Variants in ST6GALNAC1 observed in about 807,000 individuals in gnomAD.
The protein encoded by ST6GALNAC1 is ST6 N-acetylgalactosaminide alpha-2,6-sialyltransferase 1.
In ST6GALNAC1, 45 loss-of-function variants were observed where a neutral mutation model predicts 56.8. That is an observed-to-expected ratio of 0.79 (90% CI 0.62 to 1.02). The LOEUF is 1.02. ST6GALNAC1 is among the 50% of genes least tolerant of loss of function. The pLI is 0.00. For missense variants in ST6GALNAC1, 743 were observed against 754.8 expected (o/e 0.98, Z 0.18); for synonymous variants, 295 against 297.8 (o/e 0.99, Z 0.10).
rs2075812070 is a variant in ST6GALNAC1, at chr17:76,627,099, G to A, written c.1140C>T (p.Gly380=). Residue 380 remains glycine (G), a synonymous_variant, in exon 4 of 9, where the codon GGC becomes GGT. Coordinates refer to ENST00000156626, the MANE Select transcript of ST6GALNAC1 (RefSeq NM_018414.5). This position sits in a 1 kb window ranked among gnomAD's most constrained non-coding sequence, Gnocchi z 4.4. The part of the protein sequence containing the change: ...NGGILNNSHM[G]QEIDSHDYVF... The stretch of plus-strand genomic sequence containing the variant: ...CGTAGTCGTGACTGTCTATCTCCTG[G>A]CCCATGTGGGAGTTGTTCAGGATGC... 1 of 1,574,302 alleles carries A rather than the reference G, an allele frequency of 6.4e-7. No individual in the cohort carries two copies.
At position 76,627,562 on chromosome 17, in the gene ST6GALNAC1, T is replaced by C; in HGVS notation, c.853A>G (p.Ile285Val). ...LQTTCPDSVK[I>V]KASKSLWLQK... Reference sequence around the variant, plus strand: ...AGCCACAGCGACTTGGAGGCTTTGATCTTCACAGAGTCAGGGCAAGTCTAT... The same window carrying C: ...AGCCACAGCGACTTGGAGGCTTTGACCTTCACAGAGTCAGGGCAAGTCTAT... The change falls in exon 3 of 9, where the codon ATC (isoleucine) becomes GTC (valine). Residue 285 changes from isoleucine (I) to valine (V), a missense_variant. Coordinates refer to ENST00000156626, the MANE Select transcript of ST6GALNAC1 (RefSeq NM_018414.5). This position sits in a 1 kb window ranked among gnomAD's most constrained non-coding sequence, Gnocchi z 4.4. The C allele has an allele frequency of 1.2e-6, 2 of 1,614,102 alleles. No individual in the cohort carries two copies. The highest frequency in any genetic ancestry group is 1.1e-5 in the South Asian group (1 of 91,080).
rs2075781406 is a variant in ST6GALNAC1 at position 76,625,387 on chromosome 17, T to A, written c.1746A>T (p.Glu582Asp). The A allele has an allele frequency of 2.5e-6, 4 of 1,614,064 alleles. No individual in the cohort carries two copies. In the African/African-American group the frequency reaches 4.0e-5, roughly 16 times the overall value. The stretch of plus-strand genomic sequence containing the variant: ...GACGCTGGTACAGCCGGATTATCCC[T>A]TCATCGTGTAGCCGCTTCCAGACTT... Reference protein sequence around the residue: ...EREVWKRLHDEGIIRLYQRPG... With the variant: ...EREVWKRLHDDGIIRLYQRPG... Residue 582 changes from glutamate (E) to aspartate (D), a missense_variant, in exon 9 of 9, where the codon GAA becomes GAT. By Grantham distance (45) the Glu-to-Asp change is conservative (BLOSUM62 2). Transcript: ENST00000156626.
chr17:76,622,091 G>T (rs936585320), downstream of ST6GALNAC1, among the ~76,000 whole-genome samples: 66 of 151,146 alleles, frequency 4.4e-4, no homozygotes, highest in Non-Finnish European at 1.6e-4. Flanking sequence ...GAGCCACTGC[G>T]CCTGGCCTGC....
Position 76,638,996 on chromosome 17 carries a change from C to T in ST6GALNAC1, c.131+4512G>A, listed in dbSNP as rs552380997. Among the ~76,000 whole-genome samples the T allele has an allele frequency of 5.3e-5, 8 of 152,304 alleles. No individual in the cohort carries two copies. The South Asian group carries it at 1.2e-3, about 24-fold the overall frequency. On this transcript the variant is annotated intron_variant, in intron 1 of 8. Coordinates refer to ENST00000156626, the MANE Select transcript of ST6GALNAC1 (RefSeq NM_018414.5). Reference sequence around the variant, plus strand: ...TTCCTGTTCAAACTGTCCTCGCTCACGGTCTCATTAATGCTATCCTAAACC... The same window carrying T: ...TTCCTGTTCAAACTGTCCTCGCTCATGGTCTCATTAATGCTATCCTAAACC...
chr17:76,643,471 A>C (rs1313154576), intron 1 of ST6GALNAC1, 37 bp downstream of exon 1: 1 of 1,608,886 alleles, frequency 6.2e-7, no homozygotes. Flanking sequence ...TCCTCAAATG[A>C]ATGAAATATG....
rs745766626 is a variant in ST6GALNAC1, at chr17:76,627,546, G to A, written c.869C>T (p.Ser290Leu). 9 of 1,614,050 alleles carry A rather than the reference G, an allele frequency of 5.6e-6. No homozygotes were observed. Among genetic ancestry groups the A allele is most frequent in the African/African-American group, 1.3e-5 (1 of 74,928 alleles). Residue 290 changes from serine to leucine, a missense_variant, in exon 3 of 9, where the codon TCG (serine) becomes TTG (leucine). Transcript: ENST00000156626. This position sits in a 1 kb window ranked among gnomAD's most constrained non-coding sequence, Gnocchi z 4.4. ...CAGAAAGAGTTTCTGGAGCCACAGC[G>A]ACTTGGAGGCTTTGATCTTCACAGA... ...PDSVKIKASK[S>L]LWLQKLFLPN...
In ST6GALNAC1 at chr17:76,635,550, T is replaced by C. The variant is rs533164318; in HGVS notation, c.132-5839A>G. ...TACTCTGGAGGCTGAGGCAGGAGAATTGTTTGAGCCTGCGAGGTGGAGGTT... is the reference window on the plus strand; with the variant it reads ...TACTCTGGAGGCTGAGGCAGGAGAACTGTTTGAGCCTGCGAGGTGGAGGTT... On this transcript the variant is annotated intron_variant, in intron 1 of 8. Coordinates refer to ENST00000156626, the MANE Select transcript of ST6GALNAC1 (RefSeq NM_018414.5). 8.3e-4 allele frequency among the ~76,000 whole-genome samples: 126 copies of C among 152,236 alleles called. 1 individual carries two copies. The highest frequency in any genetic ancestry group is 3.0e-3 in the African/African-American group (123 of 41,526).
chr17:76,620,218 T>G (rs2075727039), downstream of ST6GALNAC1, among the ~76,000 whole-genome samples: 1 of 151,436 alleles, frequency 6.6e-6, no homozygotes, highest in South Asian at 2.1e-4. Flanking sequence ...TTTTGTATTT[T>G]TAGTGGAGAC....
At position 76,629,205 on chromosome 17, in the gene ST6GALNAC1, CT is replaced by C. The variant is rs1193662495; in HGVS notation, c.637del (p.Arg213GlyfsTer7). 1.2e-6 allele frequency: 2 copies of C among 1,614,122 alleles called. No homozygotes were observed. Among genetic ancestry groups the C allele is most frequent in the African/African-American group, 1.3e-5 (1 of 75,014 alleles). On this transcript the variant is annotated frameshift_variant, in exon 2 of 9. Transcript: ENST00000156626. LOFTEE classifies it high-confidence loss of function. ...TGTGGTCACTCCTTTCTGTCTCGTC[CT>C]TGTTGACACTGCTCCTGTGGGAGCC... The part of the protein sequence containing the change: ...MLAPTGAVST[R>X]TRQKGVTTAV...
chr17:76,620,623 T>A (rs571418782), downstream of ST6GALNAC1, among the ~76,000 whole-genome samples: 4 of 151,838 alleles, frequency 2.6e-5, no homozygotes, highest in African/African-American at 9.7e-5. Context: ...TCACCCAGGC[T>A]GAAATGCAGT....
chr17:76,618,854 G>A, the ST6GALNAC1 span, among the ~76,000 whole-genome samples: 3 of 152,230 alleles, frequency 2.0e-5, no homozygotes, highest in South Asian at 6.2e-4. Context: ...TGAGATGGGA[G>A]GATCGCTTGA....
At chr17:76,630,710 C>T (rs1287646143) in intron 1 of ST6GALNAC1, among the ~76,000 whole-genome samples, 2 of 151,330 alleles carry the variant, frequency 1.3e-5, no homozygotes, top group Admixed American at 6.6e-5. Context: ...CTCAGCCTTC[C>T]GAGTAGCTGG....
rs374878476 is a variant in ST6GALNAC1, at chr17:76,626,056, C to T, written c.1455G>A (p.Met485Ile). ...PQEAFREALH[M>I]DRYLLLHPDF... Reference sequence around the variant, plus strand: ...CTGGGTGCAGCAACAGGTACCTGTCCATGTGCAGGGCTTCCCGAAAAGCTT... The same window carrying T: ...CTGGGTGCAGCAACAGGTACCTGTCTATGTGCAGGGCTTCCCGAAAAGCTT... Residue 485 changes from methionine (M) to isoleucine (I), a missense_variant, in exon 7 of 9, where the codon ATG (methionine) becomes ATA (isoleucine). Met to Ile is a conservative substitution (Grantham distance 10). Coordinates refer to ENST00000156626, the MANE Select transcript of ST6GALNAC1 (RefSeq NM_018414.5). 22 of 1,614,172 alleles carry T rather than the reference C, an allele frequency of 1.4e-5. No individual in the cohort carries two copies. The highest frequency in any genetic ancestry group is 1.8e-5 in the Non-Finnish European group (21 of 1,180,022).
chr17:76,627,405 A>G lies in ST6GALNAC1; in HGVS notation c.1000+10T>C, dbSNP rs752382482. On this transcript the variant is annotated intron_variant, in intron 3 of 8. Coordinates refer to ENST00000156626, the MANE Select transcript of ST6GALNAC1 (RefSeq NM_018414.5). The surrounding 1 kb of genome is among the most constrained non-coding windows in gnomAD (Gnocchi z 4.4). ...GCGCACCCACACCTTCCCCTGGGTTAAGGACTCACAGGAGTAGTTGAGCTC... is the reference window on the plus strand; with the variant it reads ...GCGCACCCACACCTTCCCCTGGGTTGAGGACTCACAGGAGTAGTTGAGCTC... 1.7e-5 allele frequency: 28 copies of G among 1,613,876 alleles called. No individual in the cohort carries two copies. The East Asian group carries it at 5.8e-4, about 33-fold the overall frequency.
intron 1 of ST6GALNAC1, among the ~76,000 whole-genome samples, chr17:76,630,493 G>A (rs1389091676): frequency 6.6e-6 from 1 of 152,010 alleles, no homozygotes; most frequent in East Asian, 1.9e-4. Context: ...CCTTGAAACT[G>A]AAGCCTAAAC....
intron 8 of ST6GALNAC1, 97 bp downstream of exon 8, chr17:76,625,722 G>A: frequency 1.1e-5 from 14 of 1,224,818 alleles, no homozygotes; most frequent in African/African-American, 3.1e-5. Context: ...CAGCAGATGT[G>A]GGCACCCAGC....
At position 76,629,574 on chromosome 17, in the gene ST6GALNAC1, G is replaced by T. The variant is rs1445477111; in HGVS notation, c.269C>A (p.Thr90Asn). ...TCCGGTGGTGTGGGCCTTGGGCTGG[G>T]TTTGTGTGTTGAGGGCATTGTTCTC... ...VPENNALNTQTQPKAHTTGDR... is the reference protein window; with the variant it reads ...VPENNALNTQNQPKAHTTGDR... Residue 90 changes from threonine to asparagine, a missense_variant, in exon 2 of 9, where the codon ACC (threonine) becomes AAC (asparagine). Thr to Asn is a moderately conservative substitution (Grantham distance 65). Transcript: ENST00000156626. The T allele has an allele frequency of 1.2e-6, 2 of 1,613,968 alleles. No individual in the cohort carries two copies. The highest frequency in any genetic ancestry group is 1.7e-5 in the Admixed American group (1 of 60,004).
chr17:76,630,579 A>G (rs2075878099), intron 1 of ST6GALNAC1, among the ~76,000 whole-genome samples: 1 of 148,002 alleles, frequency 6.8e-6, no homozygotes, highest in Admixed American at 6.8e-5. Flanking sequence ...TCCTCCTTGA[A>G]ACCCTTCTTT....
intron 1 of ST6GALNAC1, among the ~76,000 whole-genome samples, chr17:76,636,971 C>T (rs1317239489): frequency 6.6e-6 from 1 of 152,064 alleles, no homozygotes; most frequent in Non-Finnish European, 1.5e-5. Flanking sequence ...GACCTTACCC[C>T]CAACCCCGTG....
Sources: allele counts gnomAD v4.1 joint callset (sites outside exome capture counted in the v4.1 genomes callset), GRCh38; gene constraint gnomAD v4.1.1; non-coding constraint Gnocchi (gnomAD v3.1); transcripts MANE v1.5; gene names NCBI Gene and HGNC (gene_info 2026-07-23, HGNC 2026-07-21).